TSHZ3: variants seen among roughly 807,000 people sequenced by gnomAD.
TSHZ3 encodes the protein teashirt homolog 3.
In TSHZ3, 10 loss-of-function variants were observed where a neutral mutation model predicts 64.5. The observed-to-expected ratio is 0.16, with a 90% CI of 0.10 to 0.26. The LOEUF is 0.26. Among genes scored for constraint, TSHZ3 ranks in the 10% least tolerant of loss-of-function variants. TSHZ3 has a pLI of 1.00. For synonymous variants in TSHZ3, 608 were observed against 593.1 expected (o/e 1.03, Z -0.36); for missense variants, 1,242 against 1,421.7 (o/e 0.87, Z 2.03).
rs754854498 is a variant in TSHZ3, at chr19:31,259,675, G to T, written n.64-16800C>A. Reference sequence around the variant, plus strand: ...ATAAAAAAAAAAAGAGAAATAGGAGGTCATGTTCTCCAGAAACCCTCATTC... The same window carrying T: ...ATAAAAAAAAAAAGAGAAATAGGAGTTCATGTTCTCCAGAAACCCTCATTC... On this transcript the variant is annotated intron_variant and non_coding_transcript_variant, in intron 1 of 6. Coordinates refer to the TSHZ3 transcript ENST00000651361. 9.9e-5 allele frequency among the ~76,000 whole-genome samples: 15 copies of T among 152,230 alleles called. No homozygotes were observed. In the South Asian group the frequency reaches 1.7e-3, roughly 17 times the overall value.
intron 5 of TSHZ3, among the ~76,000 whole-genome samples, chr19:31,185,921 T>C (rs898260355): frequency 1.3e-5 from 2 of 152,196 alleles, no homozygotes; most frequent in Non-Finnish European, 2.9e-5. Flanking sequence ...AGAAATGGAA[T>C]TCTACAGAAT....
At chr19:31,310,298 G>A (rs1394855518) in intron 1 of TSHZ3, among the ~76,000 whole-genome samples, 1 of 152,152 alleles carries the variant, frequency 6.6e-6, no homozygotes, top group East Asian at 1.9e-4. Flanking sequence ...AAAGCAAAGA[G>A]TGTGGGGCAG....
chr19:31,206,898 T>G (rs1325714956), intron 4 of TSHZ3, among the ~76,000 whole-genome samples: 1 of 152,212 alleles, frequency 6.6e-6, no homozygotes, highest in South Asian at 2.1e-4. Flanking sequence ...GGATAACCCC[T>G]GCAATCTGCC....
intron 1 of TSHZ3, among the ~76,000 whole-genome samples, chr19:31,252,561 A>G (rs545178284): frequency 6.6e-6 from 1 of 152,308 alleles, no homozygotes; most frequent in Admixed American, 6.5e-5. Flanking sequence ...TGTTCTCATG[A>G]CAGTGAGTTC....
At chr19:31,150,487 A>G (rs1974224633) in exon 7 of TSHZ3, among the ~76,000 whole-genome samples, 1 of 152,332 alleles carries the variant, frequency 6.6e-6, no homozygotes, top group South Asian at 2.1e-4. Context: ...GCCACATCGC[A>G]TGACATGCAT....
At position 31,341,634 on chromosome 19, in the gene TSHZ3, C is replaced by CTG. The variant is rs1420608449; in HGVS notation, c.40+7545_40+7546insCA. On this transcript the variant is annotated intron_variant, in intron 1 of 1. Coordinates refer to ENST00000240587, the MANE Select transcript of TSHZ3 (RefSeq NM_020856.4). ...ACTCTCTCTCTCTCTCTCTCTGACA[C>CTG]ACACACACACACACACACACACACA... Among the ~76,000 whole-genome samples the CTG allele has an allele frequency of 9.1e-4, 70 of 76,518 alleles. 1 individual carries two copies. The South Asian group carries it at 0.023, about 26-fold the overall frequency. The allele number at this position is 76,518 out of a possible 152,430, so 50.2% of individuals were successfully genotyped here.
intron 1 of TSHZ3, among the ~76,000 whole-genome samples, chr19:31,337,928 G>A (rs73553310): frequency 0.031 from 4,692 of 152,246 alleles, 195 homozygotes; most frequent in African/African-American, 0.09. Flanking sequence ...AAACTCTTCC[G>A]TTCTAACTTT....
rs562330146 is a variant in TSHZ3, at chr19:31,290,753, A to T, written c.41-11001T>A. Among the ~76,000 whole-genome samples the T allele has an allele frequency of 1.7e-3, 258 of 152,108 alleles. 4 individuals carry two copies. Among genetic ancestry groups the T allele is most frequent in the Admixed American group, 2.4e-3 (37 of 15,302 alleles). ...TTTGGAGCTCCCCAGAAACCAGGGG[A>T]ATACCCAAGGGCCAGAGGATCCAGA... On this transcript the variant is annotated intron_variant, in intron 1 of 1. Transcript: ENST00000240587.
chr19:31,255,783 T>TG (rs965915824), intron 1 of TSHZ3, among the ~76,000 whole-genome samples: 4 of 152,188 alleles, frequency 2.6e-5, no homozygotes, highest in African/African-American at 9.7e-5. Flanking sequence ...CTTAGAAATC[T>TG]GGGGGCATCT....
intron 1 of TSHZ3, among the ~76,000 whole-genome samples, chr19:31,296,141 G>A (rs1976655437): frequency 1.3e-5 from 2 of 151,654 alleles, no homozygotes; most frequent in African/African-American, 4.9e-5. Context: ...TTGTGTGTGT[G>A]TGATTGTATG....
chr19:31,278,477 T>G lies in TSHZ3; in HGVS notation c.1316A>C (p.Asp439Ala). 1 of 1,614,088 alleles carries G rather than the reference T, an allele frequency of 6.2e-7. No homozygotes were observed. The highest frequency in any genetic ancestry group is 8.5e-7 in the Non-Finnish European group (1 of 1,180,024). Residue 439 changes from aspartate to alanine, a missense_variant, in exon 2 of 2, where the codon GAT (aspartate) becomes GCT (alanine). By Grantham distance (126) the Asp-to-Ala change is moderately radical. Around this residue, in one of 4 missense-constraint regions of TSHZ3, gnomAD observed 555 missense variants for 704.0 expected, o/e 0.79. Coordinates refer to ENST00000240587, the MANE Select transcript of TSHZ3 (RefSeq NM_020856.4). This position sits in a 1 kb window ranked among gnomAD's most constrained non-coding sequence, Gnocchi z 4.7. ...CAGGGGCACGGACTGGACCTTCTCA[T>G]CCAGCAGGGTTGTGATGGTAGGTGT... The part of the protein sequence containing the change: ...PVTPTITTLL[D>A]EKVQSVPLAA...
chr19:31,252,861 G>A (rs1162140888), intron 1 of TSHZ3, among the ~76,000 whole-genome samples: 1 of 152,126 alleles, frequency 6.6e-6, no homozygotes, highest in Non-Finnish European at 1.5e-5. Context: ...CAGGATGTGG[G>A]CATATCTTTT....
chr19:31,201,954 G>A (rs546395322), intron 5 of TSHZ3, among the ~76,000 whole-genome samples: 1 of 152,246 alleles, frequency 6.6e-6, no homozygotes, highest in African/African-American at 2.4e-5. Flanking sequence ...ATCACCTGAG[G>A]ATGGGAGTTT....
chr19:31,265,417 AAAAG>A (rs1555731220), intron 1 of TSHZ3, among the ~76,000 whole-genome samples: 2 of 147,324 alleles, frequency 1.4e-5, no homozygotes, highest in Non-Finnish European at 3.0e-5. Context: ...AAAAAAAAAA[AAAAG>A]AAAGAAAGAA....
intron 4 of TSHZ3, among the ~76,000 whole-genome samples, chr19:31,224,851 T>G (rs1301279647): frequency 6.6e-6 from 1 of 152,218 alleles, no homozygotes; most frequent in Non-Finnish European, 1.5e-5. Context: ...GAAAAGACAT[T>G]GTGCTCAAGA....
intron 4 of TSHZ3, among the ~76,000 whole-genome samples, chr19:31,207,908 C>T (rs76676134): frequency 0.015 from 2,220 of 152,292 alleles, 48 homozygotes; most frequent in African/African-American, 0.051. Context: ...GAATATGGGA[C>T]AAGCTATCTT....
intron 1 of TSHZ3, among the ~76,000 whole-genome samples, chr19:31,342,077 C>T (rs1271433568): frequency 6.6e-6 from 1 of 152,196 alleles, no homozygotes; most frequent in Admixed American, 6.5e-5. Context: ...AAGGTGTTTA[C>T]ATTTTTTATG....
At chr19:31,330,913 G>A (rs1252428366) in intron 1 of TSHZ3, among the ~76,000 whole-genome samples, 2 of 152,124 alleles carry the variant, frequency 1.3e-5, no homozygotes, top group African/African-American at 2.4e-5. Context: ...ATGCATGCTT[G>A]TCCCCCACAG....
intron 3 of TSHZ3, among the ~76,000 whole-genome samples, chr19:31,240,213 T>A (rs1471012342): frequency 1.3e-5 from 2 of 152,176 alleles, no homozygotes; most frequent in African/African-American, 4.8e-5. Flanking sequence ...GTCCCAATAC[T>A]TCTTTACATT....
Sources: allele counts gnomAD v4.1 joint callset (sites outside exome capture counted in the v4.1 genomes callset), GRCh38; gene constraint gnomAD v4.1.1; regional missense constraint gnomAD v4.1.1; non-coding constraint Gnocchi (gnomAD v3.1); transcripts MANE v1.5; gene names NCBI Gene and HGNC (gene_info 2026-07-23, HGNC 2026-07-21).